Variants in USH2A observed in about 807,000 individuals in gnomAD.
USH2A encodes the protein usherin, also known as Usher syndrome 2A (autosomal recessive, mild).
Under a neutral mutation model 538.9 loss-of-function variants are expected in USH2A, and 443 were observed. The ratio of observed to expected loss-of-function variants is 0.82; its 90% CI spans 0.76 to 0.89. The LOEUF is 0.89. Among genes scored for constraint, USH2A ranks in the 40% least tolerant of loss-of-function variants. USH2A has a pLI of 0.00. For missense variants in USH2A, 6,633 were observed against 6,324.8 expected (o/e 1.05, Z -1.65); for synonymous variants, 2,413 against 2,273.5 (o/e 1.06, Z -1.75).
chr1:215,959,660 T>C (rs997350496), intron 37 of USH2A, among the ~76,000 whole-genome samples: 2 of 152,196 alleles, frequency 1.3e-5, no homozygotes, highest in African/African-American at 4.8e-5. Flanking sequence ...CCCTCTTTTT[T>C]CCCCCACAGT....
At chr1:215,859,324 G>A (rs940755908) in intron 44 of USH2A, among the ~76,000 whole-genome samples, 1 of 152,076 alleles carries the variant, frequency 6.6e-6, no homozygotes, top group African/African-American at 2.4e-5. Context: ...CACGAAGTCA[G>A]GAGATTGAGA....
At chr1:216,387,238 T>A (rs901788906) in intron 3 of USH2A, among the ~76,000 whole-genome samples, 1 of 152,170 alleles carries the variant, frequency 6.6e-6, no homozygotes, top group Non-Finnish European at 1.5e-5. Context: ...AGGAAAACAG[T>A]CAATGACTTC....
chr1:215,866,720 G>C (rs1483600599), intron 44 of USH2A, among the ~76,000 whole-genome samples: 1 of 152,178 alleles, frequency 6.6e-6, no homozygotes, highest in African/African-American at 2.4e-5. Flanking sequence ...GGGAGAGCAG[G>C]AGGCCCAAGA....
intron 21 of USH2A, among the ~76,000 whole-genome samples, chr1:216,147,989 C>T (rs1256008227): frequency 2.4e-5 from 3 of 126,478 alleles, no homozygotes; most frequent in Non-Finnish European, 3.4e-5. Context: ...TGACTCCTTC[C>T]CAGATCTTCT....
chr1:216,288,309 T>C (rs537380545), intron 11 of USH2A, among the ~76,000 whole-genome samples: 1 of 152,240 alleles, frequency 6.6e-6, no homozygotes, highest in African/African-American at 2.4e-5. Context: ...TTATTAATAA[T>C]TTTTCTACTC....
chr1:216,301,854 C>T (rs1210110674), intron 9 of USH2A, among the ~76,000 whole-genome samples: 2 of 152,084 alleles, frequency 1.3e-5, no homozygotes, highest in Non-Finnish European at 2.9e-5. Context: ...GAAACCAGCC[C>T]CCTATGTTGG....
At chr1:215,997,721 C>T (rs956608628) in intron 34 of USH2A, among the ~76,000 whole-genome samples, 1 of 151,950 alleles carries the variant, frequency 6.6e-6, no homozygotes, top group African/African-American at 2.4e-5. Flanking sequence ...TTGGTTGCTT[C>T]CAAAAAATTA....
At chr1:216,185,562 C>T (rs1263251664) in intron 20 of USH2A, among the ~76,000 whole-genome samples, 2 of 151,788 alleles carry the variant, frequency 1.3e-5, no homozygotes, top group Non-Finnish European at 1.5e-5. Context: ...ATAATGAGCT[C>T]ATATGAGCTA....
At chr1:216,263,179 C>T (rs1320287322) in intron 11 of USH2A, among the ~76,000 whole-genome samples, 1 of 152,116 alleles carries the variant, frequency 6.6e-6, no homozygotes, top group Non-Finnish European at 1.5e-5. Context: ...GGCTTCACTG[C>T]TGAAATCTAC....
At chr1:215,847,417 CTGAGATCACT>C (rs1663889307) in intron 44 of USH2A, among the ~76,000 whole-genome samples, 1 of 151,974 alleles carries the variant, frequency 6.6e-6, no homozygotes, top group African/African-American at 2.4e-5. Context: ...CTTTATGAGG[CTGAGATCACT>C]TGAGCTCAGG....
At chr1:216,258,158 A>G (rs1363927414) in intron 11 of USH2A, among the ~76,000 whole-genome samples, 2 of 152,020 alleles carry the variant, frequency 1.3e-5, no homozygotes, top group Non-Finnish European at 1.5e-5. Flanking sequence ...TCTTACAAAT[A>G]TATTTGTGTT....
At chr1:215,767,158 T>C (rs569861597) in intron 55 of USH2A, among the ~76,000 whole-genome samples, 3 of 152,302 alleles carry the variant, frequency 2.0e-5, no homozygotes, top group African/African-American at 7.2e-5. Context: ...ATCCTTATTT[T>C]GTTTGAAAGT....
chr1:215,626,997 G>A (rs1451893125), intron 71 of USH2A, among the ~76,000 whole-genome samples: 1 of 152,112 alleles, frequency 6.6e-6, no homozygotes, highest in African/African-American at 2.4e-5. Context: ...GATCTGAAAT[G>A]GACTCATGTA....
intron 44 of USH2A, among the ~76,000 whole-genome samples, chr1:215,864,204 G>A (rs544150013): frequency 8.0e-4 from 122 of 152,238 alleles, no homozygotes; most frequent in Non-Finnish European, 1.6e-3. Flanking sequence ...AAGTCTAAAC[G>A]CATGAGAAAT....
At chr1:216,001,138 T>A (rs1441814839) in intron 32 of USH2A, among the ~76,000 whole-genome samples, 2 of 152,194 alleles carry the variant, frequency 1.3e-5, no homozygotes, top group African/African-American at 4.8e-5. Flanking sequence ...TATTAGCCTC[T>A]TCTCTTTCTC....
At chr1:215,670,691 C>A (rs138841748) in intron 64 of USH2A, among the ~76,000 whole-genome samples, 10 of 152,246 alleles carry the variant, frequency 6.6e-5, no homozygotes, top group African/African-American at 1.9e-4. Flanking sequence ...CAGAGGGAAT[C>A]TTAATGGCAG....
intron 15 of USH2A, among the ~76,000 whole-genome samples, chr1:216,208,137 G>A (rs1255037573): frequency 6.6e-6 from 1 of 151,982 alleles, no homozygotes; most frequent in Non-Finnish European, 1.5e-5. Flanking sequence ...TTCTGTCACT[G>A]TAAATTTTTC....
At chr1:215,647,821 A>G in intron 66 of USH2A, 91 bp from the exon 67 acceptor site, 3 of 1,480,898 alleles carry the variant, frequency 2.0e-6, no homozygotes, top group African/African-American at 1.4e-5. Context: ...GTGAGGAGAC[A>G]TTTTGTTTTC....
At chr1:216,308,001 T>C (rs2102632802) in intron 9 of USH2A, among the ~76,000 whole-genome samples, 1 of 152,296 alleles carries the variant, frequency 6.6e-6, no homozygotes, top group Admixed American at 6.5e-5. Flanking sequence ...TTTCCTGGTA[T>C]GTTGCTGCAG....
Sources: gnomAD v4.1 joint callset for allele counts (sites outside exome capture counted in the v4.1 genomes callset) on GRCh38, gnomAD v4.1.1 for gene constraint, MANE v1.5 for transcripts, NCBI Gene and HGNC (gene_info 2026-07-23, HGNC 2026-07-21) for gene names.